PPM1E: variants seen among roughly 807,000 people sequenced by gnomAD.
PPM1E encodes the protein protein phosphatase 1E.
A neutral mutation model predicts 65.9 loss-of-function variants in PPM1E; 20 were observed. The ratio of observed to expected loss-of-function variants is 0.30; its 90% CI spans 0.21 to 0.44. The LOEUF (loss-of-function observed/expected upper bound fraction) is 0.44. PPM1E is among the 20% of genes least tolerant of loss of function. The pLI, the probability that PPM1E is intolerant of heterozygous loss-of-function variation, is 1.00. For missense variants in PPM1E, 713 were observed against 953.1 expected (o/e 0.75, Z 3.32); for synonymous variants, 352 against 374.9 (o/e 0.94, Z 0.70).
chr17:58,810,611 G>T (rs2050357578), intron 1 of PPM1E, among the ~76,000 whole-genome samples: 1 of 152,176 alleles, frequency 6.6e-6, no homozygotes, highest in African/African-American at 2.4e-5. Flanking sequence ...TAATCATTCA[G>T]TACCTGCTGC....
intron 1 of PPM1E, among the ~76,000 whole-genome samples, chr17:58,921,183 G>A (rs189598348): frequency 4.9e-4 from 75 of 152,306 alleles, no homozygotes; most frequent in Admixed American, 4.6e-3. Context: ...AATAAAGAAG[G>A]TAGAGACAGC....
intron 2 of PPM1E, among the ~76,000 whole-genome samples, chr17:58,959,598 C>CAA (rs199543161): frequency 1.2e-5 from 1 of 86,090 alleles, no homozygotes. Flanking sequence ...GACTCTGTCT[C>CAA]AAAAAAAAAA....
chr17:58,766,196 GT>G (rs10604459), intron 1 of PPM1E, among the ~76,000 whole-genome samples: 4,022 of 65,234 alleles, frequency 0.062, 210 homozygotes, highest in African/African-American at 0.19. Context: ...TGTAATTTCT[GT>G]TTTTTTTTTT....
intron 1 of PPM1E, among the ~76,000 whole-genome samples, chr17:58,919,987 G>A (rs573328244): frequency 6.6e-6 from 1 of 152,236 alleles, no homozygotes; most frequent in African/African-American, 2.4e-5. Context: ...AGTAGTTGAT[G>A]ACATTAATCC....
intron 1 of PPM1E, among the ~76,000 whole-genome samples, chr17:58,757,833 G>A (rs2049783624): frequency 6.6e-6 from 1 of 152,018 alleles, no homozygotes; most frequent in Non-Finnish European, 1.5e-5. Context: ...CCGTCAATTA[G>A]CAAGGTAATG....
chr17:58,957,744 TCATGTTTACATTATCCCTA>T (rs1254855667), intron 2 of PPM1E, among the ~76,000 whole-genome samples: 1 of 152,230 alleles, frequency 6.6e-6, no homozygotes, highest in Non-Finnish European at 1.5e-5. Flanking sequence ...AAATTTCTTT[TCATGTTTACATTATCCCTA>T]ACAGAATGTT....
intron 1 of PPM1E, among the ~76,000 whole-genome samples, chr17:58,892,903 G>C (rs528062985): frequency 6.6e-6 from 1 of 152,258 alleles, no homozygotes; most frequent in African/African-American, 2.4e-5. Flanking sequence ...AAACAATAAT[G>C]AGATAACACT....
intron 6 of PPM1E, among the ~76,000 whole-genome samples, chr17:58,978,613 A>T (rs972306766): frequency 2.6e-5 from 4 of 152,190 alleles, no homozygotes; most frequent in African/African-American, 9.7e-5. Context: ...CCGGAGGCGG[A>T]GGCAGGAGAA....
chr17:58,861,152 T>C (rs1427937369), intron 1 of PPM1E, among the ~76,000 whole-genome samples: 1 of 152,158 alleles, frequency 6.6e-6, no homozygotes, highest in East Asian at 1.9e-4. Flanking sequence ...CCCACCATGG[T>C]GGGTCAGATC....
chr17:58,918,212 A>C (rs1441773063), intron 1 of PPM1E, among the ~76,000 whole-genome samples: 2 of 152,218 alleles, frequency 1.3e-5, no homozygotes, highest in Non-Finnish European at 2.9e-5. Context: ...TGGTTAAAAG[A>C]ATAAGAGGGT....
chr17:58,953,746 CTTT>C (rs71145508), intron 1 of PPM1E, among the ~76,000 whole-genome samples: 7 of 138,202 alleles, frequency 5.1e-5, no homozygotes, highest in Admixed American at 3.7e-4. Context: ...ATATTTCCAT[CTTT>C]TTTTTTTTTT....
intron 1 of PPM1E, among the ~76,000 whole-genome samples, chr17:58,912,400 T>C (rs2051637935): frequency 6.6e-6 from 1 of 152,180 alleles, no homozygotes; most frequent in African/African-American, 2.4e-5. Context: ...ATATGAACCA[T>C]ACGACTGTCT....
Position 58,980,765 on chromosome 17 carries a change from T to A in PPM1E, c.2002T>A (p.Ser668Thr), listed in dbSNP as rs777220400. Residue 668 changes from serine (S) to threonine (T), a missense_variant, in exon 7 of 7, where the codon TCT (serine) becomes ACT (threonine). Physicochemically the swap from Ser to Thr is moderately conservative, Grantham distance 58 (BLOSUM62 1). Around this residue, in one of 6 missense-constraint regions of PPM1E, gnomAD observed 286 missense variants for 313.8 expected, o/e 0.91. Transcript: ENST00000308249. This position sits in a 1 kb window ranked among gnomAD's most constrained non-coding sequence, Gnocchi z 4.7. Reference protein sequence around the residue: ...KSPGNRVSRLSHLRHHYSKKW... With the variant: ...KSPGNRVSRLTHLRHHYSKKW... ...CCCGGGAAACAGAGTTTCTAGATTG[T>A]CTCATTTACGCCACCACTACTCAAA... The A allele has an allele frequency of 6.2e-7, 1 of 1,614,156 alleles. No individual in the cohort carries two copies. The highest frequency in any genetic ancestry group is 1.7e-5 in the Admixed American group (1 of 60,014).
intron 1 of PPM1E, among the ~76,000 whole-genome samples, chr17:58,776,467 A>G (rs937521149): frequency 1.3e-5 from 2 of 152,312 alleles, no homozygotes; most frequent in Middle Eastern, 6.8e-3. Context: ...TTATATATAA[A>G]ATATGTTTAG....
At chr17:58,919,972 C>T (rs1193002049) in intron 1 of PPM1E, among the ~76,000 whole-genome samples, 2 of 152,034 alleles carry the variant, frequency 1.3e-5, no homozygotes, top group Admixed American at 1.3e-4. Flanking sequence ...GCAGGGAGAT[C>T]AGTTAGTAGT....
At chr17:58,869,160 A>T (rs1378044152) in intron 1 of PPM1E, among the ~76,000 whole-genome samples, 1 of 152,070 alleles carries the variant, frequency 6.6e-6, no homozygotes, top group Non-Finnish European at 1.5e-5. Flanking sequence ...ACAGAGTGGG[A>T]CTCCGTCTCA....
In PPM1E at chr17:58,877,422, A is replaced by G. The variant is rs1292716027; in HGVS notation, c.465-78227A>G. ...TATCAGTTCCCCGCCAATGAGACAA[A>G]TACATCTTTACAAAGATTTATAGAT... is the stretch of plus-strand genomic sequence containing the variant. On this transcript the variant is annotated intron_variant, in intron 1 of 6. Coordinates refer to ENST00000308249, the MANE Select transcript of PPM1E (RefSeq NM_014906.5). 4.6e-5 allele frequency among the ~76,000 whole-genome samples: 7 copies of G among 152,352 alleles called. No homozygotes were observed. In the East Asian group the frequency reaches 1.3e-3, roughly 29 times the overall value.
chr17:58,958,187 ATTATTTTTATTT>A (rs1001736353), intron 2 of PPM1E, among the ~76,000 whole-genome samples: 24 of 151,984 alleles, frequency 1.6e-4, no homozygotes, highest in African/African-American at 5.8e-4. Context: ...TGTAAAAATT[ATTATTTTTATTT>A]TTATTTTTAT....
At chr17:58,811,954 A>G (rs1039522630) in intron 1 of PPM1E, among the ~76,000 whole-genome samples, 1 of 152,056 alleles carries the variant, frequency 6.6e-6, no homozygotes, top group African/African-American at 2.4e-5. Context: ...CAGGTGTGAG[A>G]CACTGCTCCC....
Sources: gnomAD v4.1 joint callset for allele counts (sites outside exome capture counted in the v4.1 genomes callset) on GRCh38, gnomAD v4.1.1 for gene constraint, gnomAD v4.1.1 regional missense constraint, Gnocchi (gnomAD v3.1) non-coding constraint, MANE v1.5 for transcripts, NCBI Gene and HGNC (gene_info 2026-07-23, HGNC 2026-07-21) for gene names.